Variants in STT3A observed in about 807,000 individuals in gnomAD.
STT3A encodes the protein STT3 oligosaccharyltransferase complex catalytic subunit A.
STT3A carries 34 observed loss-of-function variants against 89.2 expected under a neutral mutation model. The observed-to-expected ratio is 0.38, with a 90% CI of 0.29 to 0.51. STT3A has a LOEUF of 0.51. Among genes scored for constraint, STT3A ranks in the 20% least tolerant of loss-of-function variants. The pLI, the probability that STT3A is intolerant of heterozygous loss-of-function variation, is 0.89. For missense variants in STT3A, 555 were observed against 889.5 expected (o/e 0.62, Z 4.78); for synonymous variants, 282 against 310.3 (o/e 0.91, Z 0.96).
chr11:125,596,948 TA>T, intron 2 of STT3A, 110 bp from the exon 3 acceptor site: 1 of 1,181,098 alleles, frequency 8.5e-7, no homozygotes, highest in South Asian at 1.3e-5. Flanking sequence ...GGGATTATTT[TA>T]TATTTTCTGT....
intron 9 of STT3A, among the ~76,000 whole-genome samples, chr11:125,608,725 A>T (rs1939912463): frequency 6.6e-6 from 1 of 152,142 alleles, no homozygotes; most frequent in Non-Finnish European, 1.5e-5. Flanking sequence ...TTTTTTTCTT[A>T]TTTCTTTTTT....
In STT3A at chr11:125,605,712, T is replaced by A; in HGVS notation, c.592T>A (p.Cys198Ser). ...TGGTTCCATCTGTTGGGCAGCTAAGTGTGCCCTTGCTTATTTCTACATGGT... is the reference window on the plus strand; with the variant it reads ...TGGTTCCATCTGTTGGGCAGCTAAGAGTGCCCTTGCTTATTTCTACATGGT... Reference protein sequence around the residue: ...KTGSICWAAKCALAYFYMVSS... With the variant: ...KTGSICWAAKSALAYFYMVSS... Residue 198 changes from cysteine (C) to serine (S), a missense_variant, in exon 7 of 18, where the codon TGT (cysteine) becomes AGT (serine). By Grantham distance (112) the Cys-to-Ser change is moderately radical. Around this residue, in one of 5 missense-constraint regions of STT3A, gnomAD observed 149 missense variants for 206.2 expected, o/e 0.72. Transcript: ENST00000392708. The A allele has an allele frequency of 6.2e-7, 1 of 1,613,928 alleles. No individual in the cohort carries two copies. Among genetic ancestry groups the A allele is most frequent in the Non-Finnish European group, 8.5e-7 (1 of 1,179,848 alleles).
chr11:125,614,302 A>G lies in STT3A; in HGVS notation c.1672-22A>G. The G allele has an allele frequency of 1.2e-6, 2 of 1,614,014 alleles. No individual in the cohort carries two copies. The highest frequency in any genetic ancestry group is 8.5e-7 in the Non-Finnish European group (1 of 1,179,942). On this transcript the variant is annotated intron_variant, in intron 14 of 17. Coordinates refer to ENST00000392708, the MANE Select transcript of STT3A (RefSeq NM_152713.5). The surrounding 1 kb of genome is among the most constrained non-coding windows in gnomAD (Gnocchi z 4.9). ...ATATGACTTGGGATTTTGCTCTGAG[A>G]ATTGTACATTTGTTTTTCCAGGCAA... is the stretch of plus-strand genomic sequence containing the variant.
At chr11:125,609,409 A>G (rs1412793495) in intron 9 of STT3A, 25 bp from the exon 10 acceptor site, 17 of 1,579,032 alleles carry the variant, frequency 1.1e-5, no homozygotes, top group Non-Finnish European at 1.5e-5. Flanking sequence ...TGTGTGTGGA[A>G]TATTTATTGC....
Position 125,621,426 on chromosome 11 carries a change from T to C in STT3A, c.*616T>C, listed in dbSNP as rs1940346499. On this transcript the variant is annotated 3_prime_UTR_variant, in exon 18 of 18. Coordinates refer to ENST00000392708, the MANE Select transcript of STT3A (RefSeq NM_152713.5). ...CTTAGACGCTCTTTGACTTTATAAA[T>C]CAGCAGTTTTGAAGACTCAAGACAA... The C allele has an allele frequency of 6.6e-6, 1 of 152,222 alleles. No homozygotes were observed. The highest frequency in any genetic ancestry group is 2.4e-5 in the African/African-American group (1 of 41,444). The allele number at this position is 152,222 out of a possible 1,614,324, so 9.4% of individuals were successfully genotyped here. A position where few individuals can be genotyped will look rare whatever the true frequency, so the allele number is the denominator to read the frequency against.
rs1448699400 is a variant in STT3A, at chr11:125,620,997, A to T, written c.*187A>T. 4.2e-6 allele frequency: 2 copies of T among 474,766 alleles called. No homozygotes were observed. Among genetic ancestry groups the T allele is most frequent in the East Asian group, 6.6e-5 (2 of 30,302 alleles). 29.4% of individuals were successfully genotyped at this position (474,766 alleles called of 1,614,324 possible). On this transcript the variant is annotated 3_prime_UTR_variant, in exon 18 of 18. Transcript: ENST00000392708. Reference sequence around the variant, plus strand: ...AATGAAATGATTTTTATAATTCTAAACAGGTTACCAAATGAAATGTCATGG... The same window carrying T: ...AATGAAATGATTTTTATAATTCTAATCAGGTTACCAAATGAAATGTCATGG...
chr11:125,592,696 T>G, upstream of STT3A: 1 of 339,216 alleles, frequency 2.9e-6, no homozygotes, highest in Non-Finnish European at 5.9e-6. Context: ...TGCTAAGTGA[T>G]AGCTGTAATG....
chr11:125,613,687 C>T lies in STT3A; in HGVS notation c.1555-400C>T, dbSNP rs1236844018. 5 of 171,470 alleles carry T rather than the reference C, an allele frequency of 2.9e-5. No homozygotes were observed. The highest frequency in any genetic ancestry group is 4.8e-5 in the African/African-American group (2 of 41,798). The allele number at this position is 171,470 out of a possible 1,614,324, so 10.6% of individuals were successfully genotyped here. A position where few individuals can be genotyped will look rare whatever the true frequency, so the allele number is the denominator to read the frequency against. ...TAAGAGTCTCTTAATTCTTGTCCAT[C>T]GTATCATGTGATTTGAGTTTCCACC... On this transcript the variant is annotated intron_variant, in intron 13 of 17. Coordinates refer to ENST00000392708, the MANE Select transcript of STT3A (RefSeq NM_152713.5). This position sits in a 1 kb window ranked among gnomAD's most constrained non-coding sequence, Gnocchi z 4.2.
At chr11:125,592,574 G>A (rs1271830187), upstream of STT3A, 5 of 442,116 alleles carry the variant, frequency 1.1e-5, no homozygotes, top group East Asian at 2.8e-4. Flanking sequence ...AAACCGACAC[G>A]TCACTCCTCG....
intron 17 of STT3A, 109 bp downstream of exon 17, chr11:125,620,235 C>A: frequency 1.2e-6 from 1 of 822,720 alleles, no homozygotes; most frequent in East Asian, 2.7e-5. Flanking sequence ...TCTCATGACA[C>A]CTGTGCTTGA....
At chr11:125,616,388 T>C (rs528810791) in intron 15 of STT3A, among the ~76,000 whole-genome samples, 4 of 152,378 alleles carry the variant, frequency 2.6e-5, no homozygotes, top group African/African-American at 9.6e-5. Context: ...TCCATCTTCA[T>C]TACAGATGCA....
intron 3 of STT3A, among the ~76,000 whole-genome samples, chr11:125,599,076 T>G (rs767446367): frequency 2.6e-5 from 4 of 152,196 alleles, no homozygotes; most frequent in Non-Finnish European, 5.9e-5. Context: ...GGAAACTGAT[T>G]CCCAGAGTGG....
chr11:125,610,332 T>C (rs1370893084), intron 10 of STT3A, among the ~76,000 whole-genome samples: 2 of 152,242 alleles, frequency 1.3e-5, no homozygotes, highest in African/African-American at 4.8e-5. Context: ...CCCATAGTGC[T>C]GGGATTACAG....
At chr11:125,611,230 G>T in intron 10 of STT3A, 198 bp from the exon 11 acceptor site, 2 of 445,676 alleles carry the variant, frequency 4.5e-6, no homozygotes, top group African/African-American at 2.0e-5. Flanking sequence ...GGTTGTTTCT[G>T]ATTTTTTTGC....
At position 125,618,458 on chromosome 11, in the gene STT3A, A is replaced by C. The variant is rs745966727; in HGVS notation, c.1860A>C (p.Pro620=). Reference sequence around the variant, plus strand: ...TCAAGGAGAATGACTATTATACTCCAACTGGGGAGTTCCGTGTGGACCGTG... The same window carrying C: ...TCAAGGAGAATGACTATTATACTCCCACTGGGGAGTTCCGTGTGGACCGTG... ...KHIKENDYYT[P]TGEFRVDREG... is the part of the protein sequence containing the mutation. The change falls in exon 16 of 18, where the codon CCA becomes CCC. Residue 620 remains proline (P), a synonymous_variant. Transcript: ENST00000392708. 1 of 1,614,028 alleles carries C rather than the reference A, an allele frequency of 6.2e-7. No individual in the cohort carries two copies. Among genetic ancestry groups the C allele is most frequent in the Non-Finnish European group, 8.5e-7 (1 of 1,180,012 alleles).
chr11:125,613,149 A>G lies in STT3A; in HGVS notation c.1526A>G (p.Tyr509Cys). 6.2e-7 allele frequency: 1 copy of G among 1,600,184 alleles called. No individual in the cohort carries two copies. Among genetic ancestry groups the G allele is most frequent in the Non-Finnish European group, 8.5e-7 (1 of 1,171,072 alleles). ...ATATTTGATGACTTCCGAGAAGCAT[A>G]TTATTGGCTTCGTCATAATACTCCA... is the stretch of plus-strand genomic sequence containing the variant. ...RIIFDDFREA[Y>C]YWLRHNTPED... is the part of the protein sequence containing the mutation. Residue 509 changes from tyrosine to cysteine, a missense_variant, in exon 13 of 18, where the codon TAT becomes TGT. Tyr to Cys is a radical substitution (Grantham distance 194). Transcript: ENST00000392708. The surrounding 1 kb of genome is among the most constrained non-coding windows in gnomAD (Gnocchi z 4.2).
chr11:125,605,127 A>AT (rs1248762444), intron 6 of STT3A, among the ~76,000 whole-genome samples: 1 of 114,478 alleles, frequency 8.7e-6, no homozygotes, highest in East Asian at 2.8e-4. Flanking sequence ...TTTTATTTTT[A>AT]TTTTTTTAAG....
chr11:125,606,421 C>T lies in STT3A; in HGVS notation c.736C>T (p.Leu246=). 1 of 1,614,138 alleles carries T rather than the reference C, an allele frequency of 6.2e-7. No homozygotes were observed. Among genetic ancestry groups the T allele is most frequent in the East Asian group, 2.2e-5 (1 of 44,880 alleles). The change falls in exon 8 of 18, where the codon CTG becomes TTG. Residue 246 remains leucine, a synonymous_variant. Transcript: ENST00000392708. ...TGTGGCCTACTGTACTGTTTACTGCCTGGGCACTATACTTTCTATGCAGAT... is the reference window on the plus strand; with the variant it reads ...TGTGGCCTACTGTACTGTTTACTGCTTGGGCACTATACTTTCTATGCAGAT... The part of the protein sequence containing the change: ...IYVAYCTVYC[L]GTILSMQISF...
Position 125,612,594 on chromosome 11 carries a change from G to A in STT3A, c.1212G>A (p.Val404=). The A allele has an allele frequency of 6.2e-7, 1 of 1,613,580 alleles. No individual in the cohort carries two copies. Among genetic ancestry groups the A allele is most frequent in the Non-Finnish European group, 8.5e-7 (1 of 1,179,770 alleles). The part of the protein sequence containing the change: ...VTSMYFSAVM[V]RLMLVLAPVM... ...ATCATGCTTCCTGTCTCTGTTAGGT[G>A]CGTCTAATGCTAGTGTTGGCACCTG... The change falls in exon 12 of 18, where the codon GTG becomes GTA. Residue 404 remains valine, a splice_region_variant and synonymous_variant. Transcript: ENST00000392708.
Sources: gnomAD v4.1 joint callset for allele counts (sites outside exome capture counted in the v4.1 genomes callset) on GRCh38, gnomAD v4.1.1 for gene constraint, gnomAD v4.1.1 regional missense constraint, Gnocchi (gnomAD v3.1) non-coding constraint, MANE v1.5 for transcripts, NCBI Gene and HGNC (gene_info 2026-07-23, HGNC 2026-07-21) for gene names.